CORO7: variants seen among roughly 807,000 people sequenced by gnomAD.
CORO7 encodes the protein coronin 7, also known as coronin-7.
CORO7 carries 107 observed loss-of-function variants against 126.6 expected under a neutral mutation model. The observed-to-expected ratio is 0.85, with a 90% CI of 0.72 to 0.99. CORO7 has a LOEUF of 0.99. Ranked by LOEUF, CORO7 falls within the 50% of genes least tolerant of loss-of-function variation. CORO7 has a pLI of 0.00. For missense variants in CORO7, 1,314 were observed against 1,255.8 expected, an observed-to-expected ratio of 1.05 and a Z score of -0.70; for synonymous variants, 603 against 536.8, an observed-to-expected ratio of 1.12 and a Z score of -1.70.
Position 4,364,381 on chromosome 16 carries a change from C to T in CORO7, c.1170G>A (p.Arg390=). The T allele has an allele frequency of 6.6e-7, 1 of 1,515,138 alleles. No individual in the cohort carries two copies. Among genetic ancestry groups the T allele is most frequent in the Non-Finnish European group, 8.8e-7 (1 of 1,134,356 alleles). The allele number at this position is 1,515,138 out of a possible 1,614,324, so 93.9% of individuals were successfully genotyped here. The change falls in exon 14 of 28, where the codon CGG becomes CGA. Residue 390 remains arginine (R), a synonymous_variant. Coordinates refer to ENST00000251166, the MANE Select transcript of CORO7 (RefSeq NM_024535.5). ...GACAGGAAGTGAAGCTCGGGTGGGG[C>T]CGGCAGGCGGGGTTGAGGCTGACCT... is the stretch of plus-strand genomic sequence containing the variant. ...VQKVSLNPAC[R]PHPSFTSCLV...
chr16:4,408,349 A>G lies in CORO7; in HGVS notation c.233-98T>C. The stretch of plus-strand genomic sequence containing the variant: ...TCCGAGGTGACACTTTTGTGTGCAC[A>G]CAGAAACAGGCTACAAGTCTACAAG... On this transcript the variant is annotated intron_variant, in intron 3 of 27. Transcript: ENST00000251166. 4 of 1,542,374 alleles carry G rather than the reference A, an allele frequency of 2.6e-6. No individual in the cohort carries two copies. The South Asian group carries it at 4.6e-5, about 18-fold the overall frequency.
At position 4,405,673 on chromosome 16, in the gene CORO7, C is replaced by A. The variant is rs74003297; in HGVS notation, c.488-106G>T. ...ACTCCCAGAGCAAAGGCAGCAGCTA[C>A]GAGGGTCCTTTTCAGCCAAGGGGGC... On this transcript the variant is annotated intron_variant, in intron 5 of 27. Coordinates refer to ENST00000251166, the MANE Select transcript of CORO7 (RefSeq NM_024535.5). The A allele has an allele frequency of 4.7e-4, 669 of 1,408,986 alleles. 1 individual carries two copies. In the African/African-American group the frequency reaches 8.2e-3, roughly 17 times the overall value. The allele number at this position is 1,408,986 out of a possible 1,614,324, so 87.3% of individuals were successfully genotyped here. A position where few individuals can be genotyped will look rare whatever the true frequency, so the allele number is the denominator to read the frequency against.
chr16:4,405,411 C>A, intron 6 of CORO7, 80 bp downstream of exon 6: 2 of 1,491,022 alleles, frequency 1.3e-6, no homozygotes, highest in South Asian at 1.3e-5. Flanking sequence ...AAACAACAAG[C>A]CTGGAAGGCC....
chr16:4,412,241 G>A (rs549989946), intron 3 of CORO7, 115 bp downstream of exon 3: 4 of 1,132,200 alleles, frequency 3.5e-6, no homozygotes, highest in South Asian at 2.7e-5. Flanking sequence ...CAGACAGGGC[G>A]ACAGGAGGGA....
chr16:4,355,329 G>A lies in CORO7; in HGVS notation c.2729C>T (p.Pro910Leu), dbSNP rs1707557653. ...GCCTTCAAAGGAGTCCTGGGGGAGT[G>A]GGTCCTCCCGGTTCCCCAGTTTTGC... ...MVAKLGNRED[P>L]LPQDSFEGVD... The change falls in exon 27 of 28, where the codon CCA (proline) becomes CTA (leucine). Residue 910 changes from proline to leucine, a missense_variant. Coordinates refer to ENST00000251166, the MANE Select transcript of CORO7 (RefSeq NM_024535.5). 2.5e-6 allele frequency: 4 copies of A among 1,612,866 alleles called. No individual in the cohort carries two copies. Among genetic ancestry groups the A allele is most frequent in the African/African-American group, 2.7e-5 (2 of 75,036 alleles).
intron 9 of CORO7, among the ~76,000 whole-genome samples, chr16:4,368,604 T>C (rs1449792628): frequency 6.6e-6 from 1 of 150,644 alleles, no homozygotes; most frequent in Non-Finnish European, 1.5e-5. Context: ...AAAAATGAGC[T>C]GAGCATGGTG....
intron 9 of CORO7, chr16:4,381,847 G>A: frequency 1.9e-6 from 3 of 1,602,032 alleles, no homozygotes; most frequent in Non-Finnish European, 2.5e-6. Flanking sequence ...GGCCAGCCCT[G>A]AGGAGACGCG....
chr16:4,375,804 T>C (rs1180440283), intron 9 of CORO7, among the ~76,000 whole-genome samples: 1 of 152,190 alleles, frequency 6.6e-6, no homozygotes, highest in Admixed American at 6.5e-5. Flanking sequence ...CTTGTTTAAT[T>C]GGCCTGGGGG....
intron 3 of CORO7, among the ~76,000 whole-genome samples, chr16:4,409,823 A>C (rs571101492): frequency 1.3e-5 from 2 of 152,344 alleles, no homozygotes; most frequent in South Asian, 2.1e-4. Flanking sequence ...GGGCCTCTGA[A>C]GGCAGGGCAA....
intron 2 of CORO7, chr16:4,412,834 C>A: frequency 4.0e-6 from 1 of 247,974 alleles, no homozygotes; most frequent in Non-Finnish European, 7.8e-6. Context: ...CTTTGGGCAC[C>A]GATCTGCCTG....
At chr16:4,389,697 C>T (rs533250192) in intron 7 of CORO7, among the ~76,000 whole-genome samples, 7 of 152,328 alleles carry the variant, frequency 4.6e-5, no homozygotes, top group African/African-American at 9.6e-5. Flanking sequence ...CCTCTCTCCA[C>T]GTAAGAGGGG....
At chr16:4,360,044 C>T (rs561427512) in intron 21 of CORO7, among the ~76,000 whole-genome samples, 3 of 145,624 alleles carry the variant, frequency 2.1e-5, no homozygotes, top group East Asian at 4.2e-4. Flanking sequence ...CCCCCTCATT[C>T]ATCCATCCAG....
At position 4,357,963 on chromosome 16, in the gene CORO7, T is replaced by A. The variant is rs1471877883; in HGVS notation, c.2593+5A>T. 2 of 1,595,660 alleles carry A rather than the reference T, an allele frequency of 1.3e-6. No individual in the cohort carries two copies. The highest frequency in any genetic ancestry group is 8.6e-7 in the Non-Finnish European group (1 of 1,165,532). ...TTCCTCCCCACACCCAGTCCCTCGGTGCACCTGGGCTCATGTCAGGAGGCT... is the reference window on the plus strand; with the variant it reads ...TTCCTCCCCACACCCAGTCCCTCGGAGCACCTGGGCTCATGTCAGGAGGCT... On this transcript the variant is annotated splice_donor_5th_base_variant and intron_variant, in intron 25 of 27. Coordinates refer to ENST00000251166, the MANE Select transcript of CORO7 (RefSeq NM_024535.5).
Position 4,405,519 on chromosome 16 carries a change from T to A in CORO7, c.536A>T (p.Asp179Val). 1 of 1,612,930 alleles carries A rather than the reference T, an allele frequency of 6.2e-7. No individual in the cohort carries two copies. The change falls in exon 6 of 28, where the codon GAT (aspartate) becomes GTT (valine). Residue 179 changes from aspartate (D) to valine (V), a missense_variant. Asp to Val is a radical substitution (Grantham distance 152, BLOSUM62 -3). Transcript: ENST00000251166. ...DLVQSAVWSR[D>V]GALVGTACKD... is the part of the protein sequence containing the mutation. ...GCACGCCGTGCCCACCAGGGCTCCATCTCGGCTCCAGACGGCGCTCTGCAC... is the reference window on the plus strand; with the variant it reads ...GCACGCCGTGCCCACCAGGGCTCCAACTCGGCTCCAGACGGCGCTCTGCAC...
Position 4,364,759 on chromosome 16 carries a change from C to T in CORO7, c.1044+16G>A. Reference sequence around the variant, plus strand: ...ACTCCCCAGCCCCCGCAGTCCCTCGCCCAAGTCCCCCTCACCTTGCGGGGC... The same window carrying T: ...ACTCCCCAGCCCCCGCAGTCCCTCGTCCAAGTCCCCCTCACCTTGCGGGGC... On this transcript the variant is annotated intron_variant, in intron 12 of 27. Coordinates refer to ENST00000251166, the MANE Select transcript of CORO7 (RefSeq NM_024535.5). The T allele has an allele frequency of 1.9e-6, 3 of 1,607,326 alleles. No homozygotes were observed. The South Asian group carries it at 3.3e-5, about 18-fold the overall frequency.
intron 9 of CORO7, chr16:4,380,807 C>A: frequency 7.1e-7 from 1 of 1,405,556 alleles, no homozygotes; most frequent in Non-Finnish European, 9.3e-7. Context: ...CTCTTCCTGG[C>A]GTGTCTGCCT....
Position 4,357,207 on chromosome 16 carries a change from C to T in CORO7, c.2646G>A (p.Gln882=), listed in dbSNP as rs754009939. The change falls in exon 26 of 28, where the codon CAG becomes CAA. Residue 882 remains glutamine, a synonymous_variant. Transcript: ENST00000251166. ...GCTGGTCAGACTTTTCTTCCAGGTA[C>T]TGCGCTGAGGATGGGGCCCGACGAG... ...APARRAPSSA[Q]YLEEKSDQQK... The T allele has an allele frequency of 6.2e-7, 1 of 1,613,918 alleles. No individual in the cohort carries two copies. Among genetic ancestry groups the T allele is most frequent in the Non-Finnish European group, 8.5e-7 (1 of 1,180,006 alleles).
chr16:4,397,015 C>CT, intron 6 of CORO7, among the ~76,000 whole-genome samples: 1 of 120,252 alleles, frequency 8.3e-6, no homozygotes, highest in East Asian at 2.3e-4. Flanking sequence ...GACTCAATCT[C>CT]AAAAAAAAAA....
At chr16:4,415,182 C>T (rs1447666430) in intron 1 of CORO7, among the ~76,000 whole-genome samples, 1 of 152,170 alleles carries the variant, frequency 6.6e-6, no homozygotes, top group Non-Finnish European at 1.5e-5. Flanking sequence ...TGGCTCTGCA[C>T]TGCAATCAGA....
Sources: allele counts gnomAD v4.1 joint callset (sites outside exome capture counted in the v4.1 genomes callset), GRCh38; gene constraint gnomAD v4.1.1; transcripts MANE v1.5; gene names NCBI Gene and HGNC (gene_info 2026-07-23, HGNC 2026-07-21).